PRKCE: variants seen among roughly 807,000 people sequenced by gnomAD.
The protein encoded by PRKCE is protein kinase C epsilon type.
Under a neutral mutation model 85.4 loss-of-function variants are expected in PRKCE, and 16 were observed. The ratio of observed to expected loss-of-function variants is 0.19; its 90% CI spans 0.13 to 0.28. PRKCE has a LOEUF of 0.28. Ranked by LOEUF, PRKCE falls within the 10% of genes least tolerant of loss-of-function variation. The pLI is 1.00. For missense variants in PRKCE, 573 were observed against 975.2 expected, an observed-to-expected ratio of 0.59 and a Z score of 5.49; for synonymous variants, 388 against 371.5, an observed-to-expected ratio of 1.04 and a Z score of -0.51.
At chr2:45,757,746 A>T (rs1684128147) in intron 1 of PRKCE, among the ~76,000 whole-genome samples, 1 of 152,160 alleles carries the variant, frequency 6.6e-6, no homozygotes, top group Non-Finnish European at 1.5e-5. Flanking sequence ...ATTATTGCCA[A>T]CTCCTTACAT....
intron 11 of PRKCE, among the ~76,000 whole-genome samples, chr2:46,108,759 A>C (rs1054282350): frequency 6.6e-6 from 1 of 152,228 alleles, no homozygotes; most frequent in Non-Finnish European, 1.5e-5. Flanking sequence ...GTTGTATCAA[A>C]AACCTCATCA....
chr2:45,655,839 G>T (rs150086653), intron 1 of PRKCE, among the ~76,000 whole-genome samples: 1,576 of 92,968 alleles, frequency 0.017, 40 homozygotes, highest in African/African-American at 0.065. Context: ...GTGATACCCT[G>T]TCTCTTGAAA....
rs796496703 is a variant in PRKCE, at chr2:45,746,700, T to A, written c.348+94252T>A. Among the ~76,000 whole-genome samples the A allele has an allele frequency of 1.8e-4, 28 of 152,328 alleles. 1 individual carries two copies. The highest frequency in any genetic ancestry group is 6.7e-4 in the African/African-American group (28 of 41,574). On this transcript the variant is annotated intron_variant, in intron 1 of 14. Transcript: ENST00000306156. ...CCTTTCCCACAGCATCCCATGGACA[T>A]TATACAAGACTTTTGTGGCTGGCTT...
chr2:45,658,042 T>C (rs12614635), intron 1 of PRKCE, among the ~76,000 whole-genome samples: 4 of 151,908 alleles, frequency 2.6e-5, no homozygotes, highest in Non-Finnish European at 5.9e-5. Flanking sequence ...TAGGAAAAAA[T>C]TTTTTAAAAG....
At chr2:46,010,280 G>C (rs1444411729) in intron 9 of PRKCE, 64 bp from the exon 10 acceptor site, 7 of 1,476,914 alleles carry the variant, frequency 4.7e-6, no homozygotes, top group Non-Finnish European at 6.3e-6. Flanking sequence ...TTTGGTATTA[G>C]CTTACACTTC....
chr2:45,747,545 C>T (rs1216753995), intron 1 of PRKCE, among the ~76,000 whole-genome samples: 1 of 152,200 alleles, frequency 6.6e-6, no homozygotes, highest in Non-Finnish European at 1.5e-5. Flanking sequence ...GAACTGCCCT[C>T]CTTTTTTAAG....
intron 1 of PRKCE, among the ~76,000 whole-genome samples, chr2:45,749,488 T>C (rs1683382032): frequency 6.6e-6 from 1 of 152,230 alleles, no homozygotes; most frequent in African/African-American, 2.4e-5. Context: ...GATGGATGAA[T>C]GTCTGACATA....
intron 14 of PRKCE, among the ~76,000 whole-genome samples, chr2:46,180,233 G>A (rs1240859574): frequency 6.6e-6 from 1 of 152,176 alleles, no homozygotes; most frequent in African/African-American, 2.4e-5. Flanking sequence ...AAATTGCATG[G>A]ATGTGGGGCA....
chr2:46,179,509 G>A (rs940653549), intron 14 of PRKCE, among the ~76,000 whole-genome samples: 1 of 152,084 alleles, frequency 6.6e-6, no homozygotes. Context: ...CCTTCCCCCA[G>A]AGTCAGTCCC....
At chr2:45,741,587 A>T (rs1468793644) in intron 1 of PRKCE, among the ~76,000 whole-genome samples, 1 of 152,164 alleles carries the variant, frequency 6.6e-6, no homozygotes, top group Non-Finnish European at 1.5e-5. Context: ...TACCAATCAG[A>T]TTGGAGCCTT....
At chr2:45,664,598 A>G (rs1675826589) in intron 1 of PRKCE, among the ~76,000 whole-genome samples, 1 of 152,206 alleles carries the variant, frequency 6.6e-6, no homozygotes, top group Non-Finnish European at 1.5e-5. Flanking sequence ...AAGTGTACAG[A>G]ACTACAATTT....
At chr2:45,822,111 T>C (rs1689582532) in intron 1 of PRKCE, among the ~76,000 whole-genome samples, 1 of 152,226 alleles carries the variant, frequency 6.6e-6, no homozygotes, top group Non-Finnish European at 1.5e-5. Context: ...CTGAGTCATT[T>C]GTGTGTACCT....
chr2:45,837,159 G>A (rs1690951843), intron 1 of PRKCE, among the ~76,000 whole-genome samples: 1 of 152,266 alleles, frequency 6.6e-6, no homozygotes, highest in African/African-American at 2.4e-5. Flanking sequence ...CATAGGTGGA[G>A]TCCTCTTGAT....
intron 10 of PRKCE, among the ~76,000 whole-genome samples, chr2:46,043,166 T>A (rs910229916): frequency 6.6e-6 from 1 of 152,136 alleles, no homozygotes; most frequent in Non-Finnish European, 1.5e-5. Context: ...GCCAAAGTCA[T>A]GTTAAATAAA....
chr2:45,882,999 T>G (rs968131745), intron 2 of PRKCE, among the ~76,000 whole-genome samples: 4 of 152,244 alleles, frequency 2.6e-5, no homozygotes, highest in Non-Finnish European at 2.9e-5. Context: ...CAGCAATGAG[T>G]GGCGACGGCC....
chr2:46,088,095 CCATATT>C (rs1178024044), intron 11 of PRKCE, among the ~76,000 whole-genome samples: 1 of 152,110 alleles, frequency 6.6e-6, no homozygotes, highest in Non-Finnish European at 1.5e-5. Context: ...ATCAGCTTTG[CCATATT>C]CTGTTGGTTA....
chr2:45,711,995 G>A (rs1679682495), intron 1 of PRKCE, among the ~76,000 whole-genome samples: 1 of 152,122 alleles, frequency 6.6e-6, no homozygotes. Context: ...TCACTCTGCA[G>A]ATGAAAGGTT....
chr2:46,047,582 A>C (rs775353770), intron 10 of PRKCE, among the ~76,000 whole-genome samples: 6 of 152,216 alleles, frequency 3.9e-5, no homozygotes, highest in Non-Finnish European at 8.8e-5. Context: ...CAAACCTATT[A>C]GTTACATGTT....
At chr2:45,906,022 C>T (rs1226046969) in intron 2 of PRKCE, among the ~76,000 whole-genome samples, 1 of 152,216 alleles carries the variant, frequency 6.6e-6, no homozygotes. Context: ...GGGTATGGAG[C>T]GTGGGTTGGT....
Sources: gnomAD v4.1 joint callset for allele counts (sites outside exome capture counted in the v4.1 genomes callset) on GRCh38, gnomAD v4.1.1 for gene constraint, MANE v1.5 for transcripts, NCBI Gene and HGNC (gene_info 2026-07-23, HGNC 2026-07-21) for gene names.